The following PCDHGA1 variants were observed in gnomAD, a reference collection of about 807,000 sequenced individuals.
PCDHGA1 encodes protocadherin gamma-A1.
Under a neutral mutation model 58.0 loss-of-function variants are expected in PCDHGA1, and 32 were observed. That is an observed-to-expected ratio of 0.55 (90% CI 0.42 to 0.74). The LOEUF (loss-of-function observed/expected upper bound fraction) is 0.74. Ranked by LOEUF, PCDHGA1 falls within the 30% of genes least tolerant of loss-of-function variation. PCDHGA1 has a pLI of 0.00. For synonymous variants in PCDHGA1, 498 were observed against 501.1 expected (o/e 0.99, Z 0.08); for missense variants, 1,205 against 1,182.3 (o/e 1.02, Z -0.28).
In PCDHGA1 at chr5:141,375,076, G is replaced by A. The variant is rs1338311528; in HGVS notation, c.2421+41971G>A. 6 of 1,613,892 alleles carry A rather than the reference G, an allele frequency of 3.7e-6. No homozygotes were observed. In the African/African-American group the frequency reaches 5.3e-5, roughly 14 times the overall value. On this transcript the variant is annotated intron_variant, in intron 1 of 3. Coordinates refer to ENST00000517417, the MANE Select transcript of PCDHGA1 (RefSeq NM_018912.3). Reference sequence around the variant, plus strand: ...ATGGGCCAGGTCTTCGAGACAGAGCGAAAGTCTTAATAACTATCTTGGATG... The same window carrying A: ...ATGGGCCAGGTCTTCGAGACAGAGCAAAAGTCTTAATAACTATCTTGGATG...
rs770619389 is a variant in PCDHGA1 at position 141,490,764 on chromosome 5, T to C, written c.2422-4043T>C. On this transcript the variant is annotated intron_variant, in intron 1 of 3. Coordinates refer to ENST00000517417, the MANE Select transcript of PCDHGA1 (RefSeq NM_018912.3). The surrounding 1 kb of genome is among the most constrained non-coding windows in gnomAD (Gnocchi z 5.4). ...GAGCCCCAGCCTCCTCCTTTGTGTA[T>C]GTCAACCCAGAGGATGGACGGATCT... is the stretch of plus-strand genomic sequence containing the variant. 22 of 1,613,970 alleles carry C rather than the reference T, an allele frequency of 1.4e-5. No individual in the cohort carries two copies. Among genetic ancestry groups the C allele is most frequent in the Non-Finnish European group, 1.6e-5 (19 of 1,179,928 alleles).
intron 3 of PCDHGA1, 134 bp downstream of exon 3, chr5:141,505,615 C>T: frequency 2.0e-6 from 3 of 1,504,946 alleles, no homozygotes; most frequent in Non-Finnish European, 1.8e-6. Flanking sequence ...TCTGAAAGGA[C>T]CCACAATTCC....
rs1414210927 is a variant in PCDHGA1, at chr5:141,477,460, C to G, written c.2422-17347C>G. 1.9e-6 allele frequency: 3 copies of G among 1,614,014 alleles called. No homozygotes were observed. The highest frequency in any genetic ancestry group is 2.5e-6 in the Non-Finnish European group (3 of 1,180,028). On this transcript the variant is annotated intron_variant, in intron 1 of 3. Transcript: ENST00000517417. The surrounding 1 kb of genome is among the most constrained non-coding windows in gnomAD (Gnocchi z 4.9). ...TTACAATAGTGCGTGTTCAAGTGTC[C>G]GACATCAATGACAACCCTCCACAAT...
At chr5:141,409,317 G>A in intron 1 of PCDHGA1, 2 of 1,613,940 alleles carry the variant, frequency 1.2e-6, no homozygotes, top group Non-Finnish European at 1.7e-6. Flanking sequence ...TTCAAAACAC[G>A]GGATCTGGAT....
At position 141,359,638 on chromosome 5, in the gene PCDHGA1, AAAG is replaced by A. The variant is rs1370085055; in HGVS notation, c.2421+26537_2421+26539del. ...GTATGTTGTATGCTTACATTTGTGT[AAAG>A]AAGGAGACAGAATATTTATAAAAAT... On this transcript the variant is annotated intron_variant, in intron 1 of 3. Coordinates refer to ENST00000517417, the MANE Select transcript of PCDHGA1 (RefSeq NM_018912.3). Among the ~76,000 whole-genome samples, 20 of 152,050 alleles carry A rather than the reference AAAG, an allele frequency of 1.3e-4. No individual in the cohort carries two copies. The East Asian group carries it at 1.5e-3, about 12-fold the overall frequency.
intron 1 of PCDHGA1, chr5:141,357,194 C>A (rs2149794911): frequency 6.2e-7 from 1 of 1,613,764 alleles, no homozygotes. Flanking sequence ...GTGGCTGTGG[C>A]CGACAGCATC....
At chr5:141,488,620 C>A (rs1271344928) in intron 1 of PCDHGA1, among the ~76,000 whole-genome samples, 1 of 152,164 alleles carries the variant, frequency 6.6e-6, no homozygotes, top group East Asian at 1.9e-4. Context: ...CTAATCTTTT[C>A]TCTCACCTTA....
chr5:141,478,244 T>C lies in PCDHGA1; in HGVS notation c.2422-16563T>C, dbSNP rs758993366. ...TTCTGTGGGGTTTGTGGTCACAGTG[T>C]TCGGAGTAATCATATTCAAAGTTTA... On this transcript the variant is annotated intron_variant, in intron 1 of 3. Coordinates refer to ENST00000517417, the MANE Select transcript of PCDHGA1 (RefSeq NM_018912.3). 5 of 1,614,132 alleles carry C rather than the reference T, an allele frequency of 3.1e-6. No individual in the cohort carries two copies. In the South Asian group the frequency reaches 4.4e-5, roughly 14 times the overall value.
In PCDHGA1 at chr5:141,334,479, A is replaced by AGGGGC. The variant is rs1170907116; in HGVS notation, c.2421+1390_2421+1394dup. The AGGGGC allele has an allele frequency of 3.2e-4, 4 of 12,324 alleles. No homozygotes were observed. Among genetic ancestry groups the AGGGGC allele is most frequent in the African/African-American group, 9.2e-4 (2 of 2,164 alleles). 0.8% of individuals were successfully genotyped at this position (12,324 alleles called of 1,614,324 possible). ...GTAGTCCCAGCTACGCGGGGCGGGG[A>AGGGGC]GGGGCGGGGCGGGGCGGGGCAGGAG... On this transcript the variant is annotated intron_variant, in intron 1 of 3. Coordinates refer to ENST00000517417, the MANE Select transcript of PCDHGA1 (RefSeq NM_018912.3). The surrounding 1 kb of genome is among the most constrained non-coding windows in gnomAD (Gnocchi z 4.6).
At chr5:141,391,727 TTTGTAGTCATACTTA>T (rs1212107227) in intron 1 of PCDHGA1, 1 of 152,206 alleles carries the variant, frequency 6.6e-6, no homozygotes. Context: ...AACAGACTTT[TTTGTAGTCATACTTA>T]TCCTTTGGCT....
At chr5:141,372,941 G>T in intron 1 of PCDHGA1, 1 of 810,408 alleles carries the variant, frequency 1.2e-6, no homozygotes, top group Non-Finnish European at 1.9e-6. Context: ...AGAGTAGGGT[G>T]TCTAGGAAAT....
At chr5:141,427,901 G>T in intron 1 of PCDHGA1, 1 of 1,572,232 alleles carries the variant, frequency 6.4e-7, no homozygotes. Flanking sequence ...GCTCGCCCGC[G>T]CTCAGCGCCA....
chr5:141,356,974 G>A (rs1760414253), intron 1 of PCDHGA1: 25 of 1,614,240 alleles, frequency 1.5e-5, no homozygotes, highest in Non-Finnish European at 2.1e-5. Flanking sequence ...GACCAAAGTG[G>A]TGGCAGTGGA....
At chr5:141,406,044 G>A (rs1473314165) in intron 1 of PCDHGA1, among the ~76,000 whole-genome samples, 1 of 151,228 alleles carries the variant, frequency 6.6e-6, no homozygotes, top group Non-Finnish European at 1.5e-5. Flanking sequence ...ATTGGTTGCA[G>A]TGGACTCATA....
chr5:141,433,408 A>ATCTATCTATCT (rs1413347413), intron 1 of PCDHGA1, among the ~76,000 whole-genome samples: 6 of 127,280 alleles, frequency 4.7e-5, no homozygotes, highest in African/African-American at 1.8e-4. Context: ...TCTATCTATT[A>ATCTATCTATCT]CTTTCTTGTA....
intron 1 of PCDHGA1, chr5:141,400,672 A>G: frequency 1.1e-6 from 1 of 934,884 alleles, no homozygotes; most frequent in Non-Finnish European, 1.6e-6. Flanking sequence ...TAAGAGGAGC[A>G]GTAAATTGTG....
chr5:141,460,454 T>A (rs1010186960), intron 1 of PCDHGA1, among the ~76,000 whole-genome samples: 6 of 152,194 alleles, frequency 3.9e-5, no homozygotes, highest in Admixed American at 3.3e-4. Flanking sequence ...TGAAGATTCA[T>A]ATTTTTTTCC....
intron 1 of PCDHGA1, among the ~76,000 whole-genome samples, chr5:141,465,038 G>T (rs1297185291): frequency 6.6e-6 from 1 of 151,642 alleles, no homozygotes; most frequent in Non-Finnish European, 1.5e-5. Flanking sequence ...CACCACAAAT[G>T]ACCCTATATA....
chr5:141,406,186 C>T (rs1263856724), intron 1 of PCDHGA1, among the ~76,000 whole-genome samples: 2 of 151,978 alleles, frequency 1.3e-5, no homozygotes, highest in South Asian at 2.1e-4. Context: ...AATCCTCCCA[C>T]CTCAGCCTTC....
Sources: allele counts gnomAD v4.1 joint callset (sites outside exome capture counted in the v4.1 genomes callset), GRCh38; gene constraint gnomAD v4.1.1; non-coding constraint Gnocchi (gnomAD v3.1); transcripts MANE v1.5; gene names NCBI Gene and HGNC (gene_info 2026-07-23, HGNC 2026-07-21).